ANKS1B: variants seen among roughly 807,000 people sequenced by gnomAD.
ANKS1B encodes ankyrin repeat and sterile alpha motif domain-containing protein 1B.
In ANKS1B, 36 loss-of-function variants were observed where a neutral mutation model predicts 148.3. The ratio of observed to expected loss-of-function variants is 0.24; its 90% CI spans 0.19 to 0.32. The LOEUF is 0.32. Among genes scored for constraint, ANKS1B ranks in the 10% least tolerant of loss-of-function variants. The pLI, the probability that ANKS1B is intolerant of heterozygous loss-of-function variation, is 1.00. For synonymous variants in ANKS1B, 542 were observed against 560.8 expected, an observed-to-expected ratio of 0.97 and a Z score of 0.47; for missense variants, 1,157 against 1,542.6, an observed-to-expected ratio of 0.75 and a Z score of 4.19.
chr12:99,427,765 G>A (rs1053379136), intron 11 of ANKS1B, among the ~76,000 whole-genome samples: 4 of 152,168 alleles, frequency 2.6e-5, no homozygotes, highest in African/African-American at 9.7e-5. Context: ...ATGAATAAGG[G>A]CATCTCAGTG....
chr12:99,707,371 T>C (rs2055967722), intron 8 of ANKS1B, among the ~76,000 whole-genome samples: 1 of 152,114 alleles, frequency 6.6e-6, no homozygotes, highest in Admixed American at 6.6e-5. Flanking sequence ...AACAAATTAC[T>C]ATCTTTAGCA....
At chr12:99,053,339 A>C (rs1239960668) in intron 16 of ANKS1B, 30 bp from the exon 17 acceptor site, 1 of 1,525,654 alleles carries the variant, frequency 6.6e-7, no homozygotes, top group East Asian at 2.4e-5. Flanking sequence ...ATTAGGATTA[A>C]ACTGTATACT....
chr12:99,523,862 A>G (rs189537045), intron 9 of ANKS1B, among the ~76,000 whole-genome samples: 283 of 152,320 alleles, frequency 1.9e-3, no homozygotes, highest in African/African-American at 6.2e-3. Context: ...TATACAAGGT[A>G]TCTTCTGAGT....
chr12:99,983,655 T>C (rs987557164), intron 1 of ANKS1B, among the ~76,000 whole-genome samples: 2 of 152,206 alleles, frequency 1.3e-5, no homozygotes, highest in Non-Finnish European at 2.9e-5. Context: ...AAACGCCTTC[T>C]GCAAGAGAAG....
chr12:98,743,315 C>T (rs186826922), downstream of ANKS1B, among the ~76,000 whole-genome samples: 1 of 152,190 alleles, frequency 6.6e-6, no homozygotes, highest in East Asian at 1.9e-4. Context: ...AATGAACTAA[C>T]TAGGGATAAT....
intron 12 of ANKS1B, among the ~76,000 whole-genome samples, chr12:99,336,746 T>C (rs1423022733): frequency 6.6e-6 from 1 of 151,836 alleles, no homozygotes; most frequent in African/African-American, 2.4e-5. Flanking sequence ...GGGAAAATAT[T>C]CTTCATACAT....
At chr12:99,337,355 T>C (rs1413325353) in intron 12 of ANKS1B, among the ~76,000 whole-genome samples, 1 of 152,098 alleles carries the variant, frequency 6.6e-6, no homozygotes, top group Admixed American at 6.6e-5. Flanking sequence ...TTAAAAATTA[T>C]TTGTCTTTTT....
At chr12:99,775,144 A>G (rs2063538916) in intron 7 of ANKS1B, among the ~76,000 whole-genome samples, 1 of 152,128 alleles carries the variant, frequency 6.6e-6, no homozygotes, top group Admixed American at 6.5e-5. Context: ...GTTGATCTTA[A>G]GTGTTCTCTC....
intron 10 of ANKS1B, among the ~76,000 whole-genome samples, chr12:99,484,764 GTT>G (rs565634931): frequency 1.7e-4 from 11 of 63,714 alleles, no homozygotes; most frequent in Non-Finnish European, 1.8e-4. Context: ...GTGTGTGTGT[GTT>G]TTTTTTTTTT....
chr12:99,155,828 C>A (rs1298438137), intron 14 of ANKS1B, among the ~76,000 whole-genome samples: 1 of 152,098 alleles, frequency 6.6e-6, no homozygotes, highest in East Asian at 1.9e-4. Context: ...TGAATACTGC[C>A]TGTAACAGAG....
intron 1 of ANKS1B, among the ~76,000 whole-genome samples, chr12:99,835,110 C>A (rs11110067): frequency 0.3 from 44,871 of 151,734 alleles, 7,167 homozygotes; most frequent in African/African-American, 0.41. Flanking sequence ...CAGCACTGTC[C>A]TTTAGAAATA....
chr12:99,524,608 C>T (rs1203582610), intron 9 of ANKS1B, among the ~76,000 whole-genome samples: 1 of 152,062 alleles, frequency 6.6e-6, no homozygotes, highest in Non-Finnish European at 1.5e-5. Context: ...TCATGCCGCT[C>T]ATAAAGACAT....
intron 17 of ANKS1B, among the ~76,000 whole-genome samples, chr12:98,836,598 G>T (rs973439907): frequency 6.6e-6 from 1 of 152,186 alleles, no homozygotes; most frequent in Admixed American, 6.5e-5. Context: ...GACTGTCTTT[G>T]CAAGCAGATG....
chr12:99,380,613 A>T (rs947979493), intron 12 of ANKS1B, among the ~76,000 whole-genome samples: 1 of 152,316 alleles, frequency 6.6e-6, no homozygotes, highest in Non-Finnish European at 1.5e-5. Flanking sequence ...GGATGATTTA[A>T]AATTAGCTTA....
intron 22 of ANKS1B, chr12:98,794,523 C>T: frequency 1.6e-6 from 1 of 617,568 alleles, no homozygotes; most frequent in East Asian, 2.8e-5. Flanking sequence ...TGGGGCCCAT[C>T]CACCCTGGCC....
chr12:98,867,858 C>T (rs1181315972), intron 17 of ANKS1B, among the ~76,000 whole-genome samples: 2 of 146,842 alleles, frequency 1.4e-5, no homozygotes, highest in Admixed American at 1.3e-4. Context: ...AAGACTCCAT[C>T]TCAAAAAAAA....
intron 11 of ANKS1B, among the ~76,000 whole-genome samples, chr12:99,429,313 C>T (rs1398098500): frequency 6.6e-6 from 1 of 152,166 alleles, no homozygotes; most frequent in Non-Finnish European, 1.5e-5. Flanking sequence ...AAAACAGAGT[C>T]ATCTCTGGGT....
intron 8 of ANKS1B, among the ~76,000 whole-genome samples, chr12:99,684,905 T>A (rs369518016): frequency 2.6e-5 from 4 of 152,074 alleles, no homozygotes; most frequent in African/African-American, 9.7e-5. Context: ...TCCTCATCTC[T>A]CACCTTATAC....
At chr12:99,536,294 G>C (rs2097065267) in intron 9 of ANKS1B, among the ~76,000 whole-genome samples, 1 of 152,172 alleles carries the variant, frequency 6.6e-6, no homozygotes, top group East Asian at 1.9e-4. Context: ...TGGGGATGTT[G>C]ATAATGGGGG....
Sources: allele counts gnomAD v4.1 joint callset (sites outside exome capture counted in the v4.1 genomes callset), GRCh38; gene constraint gnomAD v4.1.1; transcripts MANE v1.5; gene names NCBI Gene and HGNC (gene_info 2026-07-23, HGNC 2026-07-21).